BTBD9: variants seen among roughly 807,000 people sequenced by gnomAD.
BTBD9 encodes BTB domain containing 9.
A neutral mutation model predicts 64.3 loss-of-function variants in BTBD9; 49 were observed. That is an observed-to-expected ratio of 0.76 (90% confidence interval 0.61 to 0.97). BTBD9 has a LOEUF of 0.97. Ranked by LOEUF, BTBD9 falls within the 50% of genes least tolerant of loss-of-function variation. The pLI, the probability that BTBD9 is intolerant of heterozygous loss-of-function variation, is 0.00. For synonymous variants in BTBD9, 260 were observed against 274.7 expected, an observed-to-expected ratio of 0.95 and a Z score of 0.53; for missense variants, 598 against 762.1, an observed-to-expected ratio of 0.78 and a Z score of 2.53.
intron 10 of BTBD9, among the ~76,000 whole-genome samples, chr6:38,185,130 C>T (rs1265059102): frequency 6.6e-6 from 1 of 152,112 alleles, no homozygotes; most frequent in African/African-American, 2.4e-5. Flanking sequence ...CTCCAAGGGC[C>T]AGGATCACTC....
chr6:38,249,840 C>A (rs1358097664), intron 9 of BTBD9, among the ~76,000 whole-genome samples: 2 of 151,852 alleles, frequency 1.3e-5, no homozygotes, highest in African/African-American at 2.4e-5. Flanking sequence ...TGGAGCTACT[C>A]TGGCTTAGAA....
chr6:38,286,004 C>A (rs1582165991), intron 8 of BTBD9, among the ~76,000 whole-genome samples: 1 of 152,170 alleles, frequency 6.6e-6, no homozygotes, highest in East Asian at 1.9e-4. Context: ...TTAATGCATA[C>A]AGATGACAGA....
chr6:38,522,576 A>C (rs1773319223), intron 6 of BTBD9, among the ~76,000 whole-genome samples: 1 of 152,190 alleles, frequency 6.6e-6, no homozygotes. Context: ...GATGTTCTTC[A>C]ACAAATAAGC....
chr6:38,398,490 T>C (rs1766788146), intron 6 of BTBD9, among the ~76,000 whole-genome samples: 1 of 152,192 alleles, frequency 6.6e-6, no homozygotes. Flanking sequence ...TTGAGGGCTG[T>C]CATTGAACCA....
intron 10 of BTBD9, among the ~76,000 whole-genome samples, chr6:38,177,084 T>C (rs1342751796): frequency 6.6e-6 from 1 of 152,226 alleles, no homozygotes; most frequent in Non-Finnish European, 1.5e-5. Context: ...TTCCCCCTGC[T>C]GACACAGGAG....
At chr6:38,449,781 A>T (rs1041764944) in intron 6 of BTBD9, among the ~76,000 whole-genome samples, 4 of 152,098 alleles carry the variant, frequency 2.6e-5, no homozygotes, top group African/African-American at 7.2e-5. Flanking sequence ...AATCAACTCA[A>T]AATGGATTGA....
At chr6:38,535,739 C>G (rs753702829) in intron 6 of BTBD9, among the ~76,000 whole-genome samples, 2 of 152,066 alleles carry the variant, frequency 1.3e-5, no homozygotes, top group Non-Finnish European at 2.9e-5. Flanking sequence ...ACAAAGGTGC[C>G]AAACACATAC....
At chr6:38,621,674 G>T (rs778490064) in intron 1 of BTBD9, among the ~76,000 whole-genome samples, 93 of 152,202 alleles carry the variant, frequency 6.1e-4, no homozygotes, top group Admixed American at 1.3e-3. Flanking sequence ...TGGAAAGAAA[G>T]GGAGTTCCTA....
At chr6:38,224,226 A>T (rs766011181) in intron 9 of BTBD9, among the ~76,000 whole-genome samples, 7 of 152,130 alleles carry the variant, frequency 4.6e-5, no homozygotes, top group Non-Finnish European at 5.9e-5. Context: ...AGAAAAAAAA[A>T]ACTTATGAGG....
chr6:38,585,978 A>ACACG (rs1390107480), intron 4 of BTBD9, among the ~76,000 whole-genome samples: 4 of 150,670 alleles, frequency 2.7e-5, no homozygotes, highest in Non-Finnish European at 4.4e-5. Flanking sequence ...ACACACACAC[A>ACACG]CGCATATTTA....
At chr6:38,363,086 A>ATTTAT (rs542664253) in intron 6 of BTBD9, among the ~76,000 whole-genome samples, 1 of 152,182 alleles carries the variant, frequency 6.6e-6, no homozygotes, top group African/African-American at 2.4e-5. Flanking sequence ...TTTTTATTTT[A>ATTTAT]TTTATTTTAT....
At chr6:38,619,721 G>C (rs771563059) in intron 1 of BTBD9, among the ~76,000 whole-genome samples, 8 of 152,308 alleles carry the variant, frequency 5.3e-5, no homozygotes, top group Non-Finnish European at 1.2e-4. Context: ...AGCTTTCTCA[G>C]TGTTAATCTG....
At chr6:38,368,435 A>T (rs1765278605) in intron 6 of BTBD9, among the ~76,000 whole-genome samples, 1 of 152,004 alleles carries the variant, frequency 6.6e-6, no homozygotes, top group Admixed American at 6.6e-5. Context: ...CACGGGTTCA[A>T]GCGATTCTCC....
intron 6 of BTBD9, among the ~76,000 whole-genome samples, chr6:38,487,673 A>G (rs1771520628): frequency 1.3e-5 from 2 of 150,238 alleles, no homozygotes; most frequent in Admixed American, 1.3e-4. Flanking sequence ...AAGAGAAGAA[A>G]AGAGAAGAAA....
intron 6 of BTBD9, among the ~76,000 whole-genome samples, chr6:38,462,105 A>C (rs528190517): frequency 6.6e-6 from 1 of 152,136 alleles, no homozygotes; most frequent in Non-Finnish European, 1.5e-5. Flanking sequence ...CCAGTTTGTA[A>C]CTTATCTTTT....
At chr6:38,485,970 T>G (rs1771380486) in intron 6 of BTBD9, among the ~76,000 whole-genome samples, 1 of 152,214 alleles carries the variant, frequency 6.6e-6, no homozygotes, top group South Asian at 2.1e-4. Flanking sequence ...TAGCTAGGTC[T>G]TCTGGGTAAC....
At chr6:38,420,913 A>G (rs1562160944) in intron 6 of BTBD9, among the ~76,000 whole-genome samples, 1 of 152,226 alleles carries the variant, frequency 6.6e-6, no homozygotes, top group Admixed American at 6.5e-5. Context: ...ATAAGAAAAA[A>G]GCACAAACTT....
rs144752063 is a variant in BTBD9, at chr6:38,427,921, T to C, written c.1155-82828A>G. 2.3e-3 allele frequency among the ~76,000 whole-genome samples: 345 copies of C among 152,142 alleles called. 2 individuals are homozygous for C. The highest frequency in any genetic ancestry group is 4.2e-3 in the Non-Finnish European group (288 of 68,044). On this transcript the variant is annotated intron_variant, in intron 6 of 10. Coordinates refer to ENST00000481247, the MANE Select transcript of BTBD9 (RefSeq NM_001099272.2). ...CTGTATGCTTAACCTTCATAGTTAG[T>C]TACTCCTGAACAGTGTAATGTTTGA...
intron 1 of BTBD9, among the ~76,000 whole-genome samples, chr6:38,627,774 A>G (rs1778222380): frequency 6.6e-6 from 1 of 152,178 alleles, no homozygotes; most frequent in Non-Finnish European, 1.5e-5. Flanking sequence ...ATGAGATGTT[A>G]CAAAGATTTA....
Sources: gnomAD v4.1 joint callset for allele counts (sites outside exome capture counted in the v4.1 genomes callset) on GRCh38, gnomAD v4.1.1 for gene constraint, MANE v1.5 for transcripts, NCBI Gene and HGNC (gene_info 2026-07-23, HGNC 2026-07-21) for gene names.